The following POLA1 variants were observed in gnomAD, a reference collection of about 807,000 sequenced individuals.
The protein encoded by POLA1 is DNA polymerase alpha 1, catalytic subunit.
POLA1 carries 15 observed loss-of-function variants against 124.0 expected under a neutral mutation model. The ratio of observed to expected loss-of-function variants is 0.12; its 90% CI spans 0.08 to 0.19. The LOEUF (loss-of-function observed/expected upper bound fraction) is 0.19, where lower values mean the gene tolerates loss of function less well. Ranked by LOEUF, POLA1 falls within the 10% of genes least tolerant of loss-of-function variation. The pLI, the probability that POLA1 is intolerant of heterozygous loss-of-function variation, is 1.00. For synonymous variants in POLA1, 408 were observed against 389.4 expected, an observed-to-expected ratio of 1.05 and a Z score of -0.56; for missense variants, 886 against 1,103.4, an observed-to-expected ratio of 0.80 and a Z score of 2.79.
At chrX:24,915,144 C>G (rs1022316213) in intron 35 of POLA1, among the ~76,000 whole-genome samples, 3 of 111,673 alleles carry the variant, frequency 2.7e-5, no homozygotes, top group African/African-American at 9.8e-5. Flanking sequence ...AAGGCTCATA[C>G]TGCCTCCAGT....
chrX:24,801,924 GGTGTGTGT>G lies in POLA1; in HGVS notation c.2965-7934_2965-7927del, dbSNP rs35938897. The stretch of plus-strand genomic sequence containing the variant: ...ACAGAGCCACTAGGAGAGGTGGGTG[GGTGTGTGT>G]GTGTGTGTGTGTGTGTGTGTGTGTG... On this transcript the variant is annotated intron_variant, in intron 26 of 36. Coordinates refer to ENST00000379068, the MANE Select transcript of POLA1 (RefSeq NM_001330360.2). Among the ~76,000 whole-genome samples, 330 of 74,535 alleles carry G rather than the reference GGTGTGTGT, an allele frequency of 4.4e-3. 2 individuals are homozygous for G. The highest frequency in any genetic ancestry group is 0.014 in the African/African-American group (256 of 18,239). 64.7% of individuals were successfully genotyped at this position (74,535 alleles called of 115,157 possible).
At chrX:24,901,499 T>C (rs1377711505) in intron 35 of POLA1, among the ~76,000 whole-genome samples, 1 of 111,523 alleles carries the variant, frequency 9.0e-6, no homozygotes, top group Non-Finnish European at 1.9e-5. Context: ...GGAGACACTG[T>C]GAAGAGCCAT....
chrX:24,710,827 C>T (rs1232720124), intron 4 of POLA1, among the ~76,000 whole-genome samples: 1 of 109,394 alleles, frequency 9.1e-6, no homozygotes, highest in Non-Finnish European at 1.9e-5. Context: ...CCACCATACC[C>T]GGCTAATTTT....
At chrX:24,830,688 C>T (rs891794207) in intron 32 of POLA1, among the ~76,000 whole-genome samples, 2 of 112,066 alleles carry the variant, frequency 1.8e-5, no homozygotes, top group Non-Finnish European at 3.8e-5. Context: ...CTATTGAAAG[C>T]TCTCCCGTAT....
At chrX:24,800,564 T>C (rs1346849998) in intron 26 of POLA1, among the ~76,000 whole-genome samples, 1 of 111,964 alleles carries the variant, frequency 8.9e-6, no homozygotes, top group Non-Finnish European at 1.9e-5. Context: ...CTGTCCTGTG[T>C]CAGATATAAC....
chrX:24,708,963 C>T (rs1382069317), intron 4 of POLA1, among the ~76,000 whole-genome samples: 25 of 68,415 alleles, frequency 3.7e-4, no homozygotes, highest in Non-Finnish European at 4.6e-4. Context: ...TAGGGGCGGC[C>T]GGGCAGAGGC....
intron 26 of POLA1, among the ~76,000 whole-genome samples, chrX:24,765,924 C>T (rs1602354327): frequency 8.9e-6 from 1 of 111,875 alleles, no homozygotes; most frequent in African/African-American, 3.2e-5. Flanking sequence ...TATGAATGTG[C>T]TCACTTAATT....
At chrX:24,841,354 A>G (rs2046405830) in intron 32 of POLA1, among the ~76,000 whole-genome samples, 1 of 112,283 alleles carries the variant, frequency 8.9e-6, no homozygotes, top group African/African-American at 3.2e-5. Context: ...ATTTCTTAGT[A>G]CACATTTATT....
chrX:24,822,128 T>C (rs190875960), intron 31 of POLA1, among the ~76,000 whole-genome samples: 1 of 110,752 alleles, frequency 9.0e-6, no homozygotes, highest in Admixed American at 9.6e-5. Flanking sequence ...CTAGGCCTTC[T>C]GGAACACAGT....
chrX:24,986,172 CA>C (rs397970641), intron 36 of POLA1, among the ~76,000 whole-genome samples: 1 of 107,589 alleles, frequency 9.3e-6, no homozygotes, highest in Non-Finnish European at 1.9e-5. Context: ...AACTCCATCT[CA>C]AAAAAAAAGA....
chrX:24,964,899 G>C (rs2147264435), intron 36 of POLA1, among the ~76,000 whole-genome samples: 1 of 112,202 alleles, frequency 8.9e-6, no homozygotes, highest in South Asian at 3.7e-4. Flanking sequence ...GAGTCTCAGT[G>C]AGATTCCCAT....
chrX:24,732,604 T>TG (rs1408752271), intron 16 of POLA1, 150 bp downstream of exon 16: 4 of 386,083 alleles, frequency 1.0e-5, no homozygotes, highest in East Asian at 4.1e-5. Context: ...TTTTTGTTTT[T>TG]TTTTTTTTTG....
chrX:24,774,166 A>C (rs1031659282), intron 26 of POLA1, among the ~76,000 whole-genome samples: 1 of 111,003 alleles, frequency 9.0e-6, no homozygotes, highest in Non-Finnish European at 1.9e-5. Context: ...CCACGAGTAC[A>C]TCTTTGGAAG....
intron 26 of POLA1, among the ~76,000 whole-genome samples, chrX:24,783,240 C>T (rs953038023): frequency 9.0e-6 from 1 of 111,455 alleles, no homozygotes; most frequent in African/African-American, 3.3e-5. Context: ...ATATATCCAC[C>T]AAAACCTATG....
rs771556456 is a variant in POLA1, at chrX:24,748,384, G to A, written c.2765G>A (p.Arg922Gln). Residue 922 changes from arginine to glutamine, a missense_variant, in exon 25 of 37, where the codon CGG becomes CAG. Arg to Gln is a conservative substitution (Grantham distance 43). Transcript: ENST00000379068. ...LEMGILPREIRKLVERRKQVK... is the reference protein window; with the variant it reads ...LEMGILPREIQKLVERRKQVK... Reference sequence around the variant, plus strand: ...ATGGGCATTTTGCCCAGAGAGATCCGGAAACTGGTAGAACGGAGAAAACAA... The same window carrying A: ...ATGGGCATTTTGCCCAGAGAGATCCAGAAACTGGTAGAACGGAGAAAACAA... The A allele has an allele frequency of 5.8e-6, 7 of 1,198,545 alleles. No individual in the cohort carries two copies. Among genetic ancestry groups the A allele is most frequent in the South Asian group, 3.5e-5 (2 of 56,423 alleles).
At chrX:24,831,695 A>G (rs1004539683) in intron 32 of POLA1, among the ~76,000 whole-genome samples, 4 of 112,576 alleles carry the variant, frequency 3.6e-5, no homozygotes, top group African/African-American at 9.7e-5. Flanking sequence ...TGCTGCGATT[A>G]TAGGCGTGAG....
chrX:24,702,605 C>T (rs781752719), intron 2 of POLA1, among the ~76,000 whole-genome samples: 1 of 112,420 alleles, frequency 8.9e-6, no homozygotes, highest in Non-Finnish European at 1.9e-5. Context: ...TCTGGACTTG[C>T]CTTTCAAATA....
chrX:24,854,269 C>T (rs1452802390), intron 34 of POLA1, among the ~76,000 whole-genome samples: 2 of 110,652 alleles, frequency 1.8e-5, no homozygotes, highest in Non-Finnish European at 1.9e-5. Flanking sequence ...TGGTCTTGAA[C>T]TCCTGACCCA....
At chrX:24,908,253 TTTTA>T (rs2047395323) in intron 35 of POLA1, among the ~76,000 whole-genome samples, 1 of 111,123 alleles carries the variant, frequency 9.0e-6, no homozygotes, top group Non-Finnish European at 1.9e-5. Context: ...TAATTTCTTT[TTTTA>T]TTATTATTTT....
Sources: allele counts gnomAD v4.1 joint callset (sites outside exome capture counted in the v4.1 genomes callset), GRCh38; gene constraint gnomAD v4.1.1; transcripts MANE v1.5; gene names NCBI Gene and HGNC (gene_info 2026-07-23, HGNC 2026-07-21).